Variants in NLGN1 observed in about 807,000 individuals in gnomAD.
The protein encoded by NLGN1 is neuroligin 1, also known as neuroligin-1.
In NLGN1, 12 loss-of-function variants were observed where a neutral mutation model predicts 65.5. The observed-to-expected ratio is 0.18, with a 90% confidence interval of 0.12 to 0.30. The LOEUF is 0.30. Among genes scored for constraint, NLGN1 ranks in the 10% least tolerant of loss-of-function variants. The pLI is 1.00. For missense variants in NLGN1, 750 were observed against 1,007.1 expected, an observed-to-expected ratio of 0.74 and a Z score of 3.46; for synonymous variants, 350 against 359.5, an observed-to-expected ratio of 0.97 and a Z score of 0.30.
chr3:174,047,956 T>A (rs554423883), intron 4 of NLGN1, among the ~76,000 whole-genome samples: 73 of 152,204 alleles, frequency 4.8e-4, no homozygotes, highest in African/African-American at 1.7e-3. Context: ...AAGCACTTCA[T>A]AGATGTAGGC....
At chr3:173,548,108 T>G (rs541791585) in intron 2 of NLGN1, among the ~76,000 whole-genome samples, 1 of 152,224 alleles carries the variant, frequency 6.6e-6, no homozygotes, top group African/African-American at 2.4e-5. Context: ...TTGTCTCTAT[T>G]TTACTTGTTC....
At chr3:174,002,939 C>G (rs1723598412) in intron 4 of NLGN1, among the ~76,000 whole-genome samples, 1 of 152,140 alleles carries the variant, frequency 6.6e-6, no homozygotes, top group African/African-American at 2.4e-5. Context: ...ATTTATCCAT[C>G]AATTGTCAAT....
intron 2 of NLGN1, among the ~76,000 whole-genome samples, chr3:173,525,806 C>A (rs1735550684): frequency 6.6e-6 from 1 of 151,960 alleles, no homozygotes; most frequent in Non-Finnish European, 1.5e-5. Context: ...TCTCTATTTT[C>A]ATTCATTTCA....
intron 3 of NLGN1, among the ~76,000 whole-genome samples, chr3:173,705,238 A>G (rs1767877443): frequency 6.6e-6 from 1 of 152,300 alleles, no homozygotes; most frequent in South Asian, 2.1e-4. Flanking sequence ...TTTGAAAAAA[A>G]TGTCATATGA....
chr3:173,863,211 G>T (rs968794273), intron 4 of NLGN1, among the ~76,000 whole-genome samples: 2 of 151,098 alleles, frequency 1.3e-5, no homozygotes, highest in East Asian at 3.9e-4. Flanking sequence ...AAGTTAAAAA[G>T]CTATAAAAAA....
intron 3 of NLGN1, among the ~76,000 whole-genome samples, chr3:173,762,841 G>T (rs551150318): frequency 6.6e-6 from 1 of 152,060 alleles, no homozygotes; most frequent in Non-Finnish European, 1.5e-5. Flanking sequence ...GAGGAAGAGG[G>T]AGAAAGGGTT....
At chr3:173,397,739 G>T (rs1441145041), upstream of NLGN1, 2 of 152,192 alleles carry the variant, frequency 1.3e-5, no homozygotes, top group Non-Finnish European at 2.9e-5. Context: ...GGCGGGCGGG[G>T]GAGCGCCGCG....
intron 4 of NLGN1, among the ~76,000 whole-genome samples, chr3:173,817,057 A>C (rs75302578): frequency 0.035 from 5,332 of 152,360 alleles, 331 homozygotes; most frequent in African/African-American, 0.12. Flanking sequence ...ATATTTGTTA[A>C]TGAATTTAAA....
chr3:173,415,890 AAT>A (rs149873787), intron 1 of NLGN1, among the ~76,000 whole-genome samples: 32 of 134,886 alleles, frequency 2.4e-4, no homozygotes, highest in Non-Finnish European at 3.4e-4. Context: ...GCAAGGAGTA[AAT>A]ATATATATAT....
intron 3 of NLGN1, among the ~76,000 whole-genome samples, chr3:173,624,543 T>G (rs1754533797): frequency 6.6e-6 from 1 of 152,130 alleles, no homozygotes; most frequent in Non-Finnish European, 1.5e-5. Flanking sequence ...AGGAGACAAT[T>G]TCTTCTTTAT....
intron 4 of NLGN1, among the ~76,000 whole-genome samples, chr3:174,088,207 G>A (rs954310756): frequency 2.3e-4 from 35 of 151,282 alleles, no homozygotes; most frequent in South Asian, 6.2e-4. Flanking sequence ...CAAAAGGTAA[G>A]CAATTAATAT....
chr3:174,281,034 A>G, exon 7 of NLGN1: 1 of 1,613,340 alleles, frequency 6.2e-7, no homozygotes, highest in Non-Finnish European at 8.5e-7. Flanking sequence ...GTCCCTCCAA[A>G]TGAAGCACAC....
At chr3:174,020,750 A>G (rs950998811) in intron 4 of NLGN1, among the ~76,000 whole-genome samples, 4 of 152,260 alleles carry the variant, frequency 2.6e-5, no homozygotes, top group Non-Finnish European at 5.9e-5. Flanking sequence ...AAAAATCTTC[A>G]GTTTAAAGAC....
chr3:173,580,739 C>T (rs1746260504), intron 2 of NLGN1, among the ~76,000 whole-genome samples: 1 of 152,000 alleles, frequency 6.6e-6, no homozygotes, highest in South Asian at 2.1e-4. Context: ...ACTCTGTGAA[C>T]TCATTTTACA....
chr3:173,828,997 C>A (rs62289959), intron 4 of NLGN1, among the ~76,000 whole-genome samples: 1 of 151,988 alleles, frequency 6.6e-6, no homozygotes, highest in Non-Finnish European at 1.5e-5. Context: ...CAGTGACTTC[C>A]TAGCAGTAGT....
At chr3:173,889,988 GGTGTGTGTGTGT>G (rs140428383) in intron 4 of NLGN1, among the ~76,000 whole-genome samples, 1 of 147,648 alleles carries the variant, frequency 6.8e-6, no homozygotes, top group Non-Finnish European at 1.5e-5. Context: ...TATGTATGAG[GGTGTGTGTGTGT>G]GTGTGTGTGT....
At chr3:173,522,198 G>A (rs1281214857) in intron 2 of NLGN1, among the ~76,000 whole-genome samples, 1 of 152,150 alleles carries the variant, frequency 6.6e-6, no homozygotes, top group Non-Finnish European at 1.5e-5. Context: ...GAGAACATGC[G>A]TTATACATTG....
rs577566162 is a variant in NLGN1 at position 174,069,703 on chromosome 3, G to T, written c.647-205612G>T. Among the ~76,000 whole-genome samples, 27 of 152,258 alleles carry T rather than the reference G, an allele frequency of 1.8e-4. No individual in the cohort carries two copies. In the South Asian group the frequency reaches 3.7e-3, roughly 21 times the overall value. ...TTGTTCAGCTGTTTGGGCAACTTCT[G>T]CCCTGAATGTAAAAAGAAGATGAGG... On this transcript the variant is annotated intron_variant, in intron 4 of 6. Coordinates refer to ENST00000457714, the Ensembl canonical transcript of NLGN1.
chr3:174,146,409 TA>T (rs1274186267), intron 4 of NLGN1, among the ~76,000 whole-genome samples: 1 of 152,152 alleles, frequency 6.6e-6, no homozygotes, highest in Non-Finnish European at 1.5e-5. Flanking sequence ...TTAAATAAGA[TA>T]AAGTATATAA....
Sources: allele counts gnomAD v4.1 joint callset (sites outside exome capture counted in the v4.1 genomes callset), GRCh38; gene constraint gnomAD v4.1.1; transcripts MANE v1.5; gene names NCBI Gene and HGNC (gene_info 2026-07-23, HGNC 2026-07-21).